Variants in CFB observed in about 807,000 individuals in gnomAD.
CFB encodes the protein complement factor B.
A neutral mutation model predicts 97.2 loss-of-function variants in CFB; 59 were observed. That is an observed-to-expected ratio of 0.61 (90% CI 0.49 to 0.75). The LOEUF (loss-of-function observed/expected upper bound fraction) is 0.75. Ranked by LOEUF, CFB falls within the 30% of genes least tolerant of loss-of-function variation. The pLI is 0.00. For synonymous variants in CFB, 316 were observed against 351.7 expected, an observed-to-expected ratio of 0.90 and a Z score of 1.14; for missense variants, 771 against 959.8, an observed-to-expected ratio of 0.80 and a Z score of 2.60.
rs748150244 is a variant in CFB at position 31,948,868 on chromosome 6, C to T, written c.1075C>T (p.Leu359Phe). ...GTCAGGGACTAACACCAAGAAGGCC[C>T]TCCAGGCAGTGTACAGCATGATGAG... is the stretch of plus-strand genomic sequence containing the variant. ...LKSGTNTKKA[L>F]QAVYSMMSWP... is the part of the protein sequence containing the mutation. The change falls in exon 8 of 18, where the codon CTC (leucine) becomes TTC (phenylalanine). Residue 359 changes from leucine (L) to phenylalanine (F), a missense_variant. Leu to Phe is a conservative substitution (Grantham distance 22, BLOSUM62 0). Transcript: ENST00000425368. 1.2e-6 allele frequency: 2 copies of T among 1,612,988 alleles called. No individual in the cohort carries two copies. Among genetic ancestry groups the T allele is most frequent in the East Asian group, 2.2e-5 (1 of 44,886 alleles).
Position 31,946,278 on chromosome 6 carries a change from G to A in CFB, c.57G>A (p.Leu19=). 1 of 1,613,080 alleles carries A rather than the reference G, an allele frequency of 6.2e-7. No homozygotes were observed. The highest frequency in any genetic ancestry group is 8.5e-7 in the Non-Finnish European group (1 of 1,180,030). Residue 19 remains leucine, a synonymous_variant, in exon 1 of 18, where the codon TTG becomes TTA. Transcript: ENST00000425368. This position sits in a 1 kb window ranked among gnomAD's most constrained non-coding sequence, Gnocchi z 6.4. ...LCLMPFILGL[L]SGGVTTTPWS... is the part of the protein sequence containing the mutation. Reference sequence around the variant, plus strand: ...TGATGCCCTTTATCTTGGGCCTCTTGTCTGGAGGTAAGCGAGGGTAACCTT... The same window carrying A: ...TGATGCCCTTTATCTTGGGCCTCTTATCTGGAGGTAAGCGAGGGTAACCTT...
chr6:31,949,634 GAAGCTCT>G, intron 10 of CFB, 77 bp downstream of exon 10: 1 of 1,571,874 alleles, frequency 6.4e-7, no homozygotes, highest in Non-Finnish European at 8.7e-7. Flanking sequence ...CTCTACACCT[GAAGCTCT>G]AGTTGCCTGG....
In CFB at chr6:31,947,261, G is replaced by A. The variant is rs1412880045; in HGVS notation, c.484+69G>A. 7 of 1,610,708 alleles carry A rather than the reference G, an allele frequency of 4.3e-6. No individual in the cohort carries two copies. In the Admixed American group the frequency reaches 5.0e-5, roughly 12 times the overall value. On this transcript the variant is annotated intron_variant, in intron 3 of 17. Coordinates refer to ENST00000425368, the MANE Select transcript of CFB (RefSeq NM_001710.6). The surrounding 1 kb of genome is among the most constrained non-coding windows in gnomAD (Gnocchi z 5.3). ...CGCCCAGCCCGAGGAGTGGGCACTCGGCTCCGGACACTGTAACTCTTGCTC... is the reference window on the plus strand; with the variant it reads ...CGCCCAGCCCGAGGAGTGGGCACTCAGCTCCGGACACTGTAACTCTTGCTC...
intron 8 of CFB, 88 bp from the exon 9 acceptor site, chr6:31,949,155 C>CA: frequency 6.8e-7 from 1 of 1,470,694 alleles, no homozygotes; most frequent in East Asian, 2.3e-5. Flanking sequence ...AACCCTTCCT[C>CA]AACTTGCTCA....
At position 31,951,137 on chromosome 6, in the gene CFB, C is replaced by A; in HGVS notation, c.1856-7C>A. The A allele has an allele frequency of 6.2e-7, 1 of 1,612,330 alleles. No homozygotes were observed. Among genetic ancestry groups the A allele is most frequent in the South Asian group, 1.1e-5 (1 of 91,038 alleles). On this transcript the variant is annotated splice_polypyrimidine_tract_variant and splice_region_variant and intron_variant, in intron 14 of 17. Transcript: ENST00000425368. This position sits in a 1 kb window ranked among gnomAD's most constrained non-coding sequence, Gnocchi z 4.3. ...AGCAGCTGAAGTGACGCAGTCTATT[C>A]GTCCAGAGGAAGAGCTGCTCCCTGC...
In CFB at chr6:31,950,644, A is replaced by C. The variant is rs1771701626; in HGVS notation, c.1650A>C (p.Ile550=). 6.2e-6 allele frequency: 10 copies of C among 1,613,106 alleles called. No individual in the cohort carries two copies. Among genetic ancestry groups the C allele is most frequent in the Non-Finnish European group, 7.6e-6 (9 of 1,180,026 alleles). ...GAGGGGAGAAGCGGGACCTGGAGAT[A>C]GAAGTAGTCCTATTTCACCCCAACT... is the stretch of plus-strand genomic sequence containing the variant. ...SVGGEKRDLE[I]EVVLFHPNYN... is the part of the protein sequence containing the mutation. The change falls in exon 13 of 18, where the codon ATA becomes ATC. Residue 550 remains isoleucine, a synonymous_variant. Coordinates refer to ENST00000425368, the MANE Select transcript of CFB (RefSeq NM_001710.6).
At position 31,950,946 on chromosome 6, in the gene CFB, T is replaced by A. The variant is rs1771724303; in HGVS notation, c.1855+2T>A. ...CAACTACCACTTGCCAGCAACAAAGTAAGACATACTTGGCAAGAGGATAAG... is the reference window on the plus strand; with the variant it reads ...CAACTACCACTTGCCAGCAACAAAGAAAGACATACTTGGCAAGAGGATAAG... On this transcript the variant is annotated splice_donor_variant, in intron 14 of 17. Transcript: ENST00000425368. LOFTEE classifies it high-confidence loss of function. 6.2e-7 allele frequency: 1 copy of A among 1,612,810 alleles called. No homozygotes were observed. Among genetic ancestry groups the A allele is most frequent in the Non-Finnish European group, 8.5e-7 (1 of 1,179,946 alleles).
chr6:31,951,750 G>A lies in CFB; in HGVS notation c.2140-125G>A. 1 of 1,577,542 alleles carries A rather than the reference G, an allele frequency of 6.3e-7. No individual in the cohort carries two copies. ...CGCATGTCTTGCCTGCGTGTGTCAAGAACGAGGCTGAGCTGGGTCCCTAGT... is the reference window on the plus strand; with the variant it reads ...CGCATGTCTTGCCTGCGTGTGTCAAAAACGAGGCTGAGCTGGGTCCCTAGT... On this transcript the variant is annotated intron_variant, in intron 17 of 17. Coordinates refer to ENST00000425368, the MANE Select transcript of CFB (RefSeq NM_001710.6). This position sits in a 1 kb window ranked among gnomAD's most constrained non-coding sequence, Gnocchi z 4.3.
Position 31,946,391 on chromosome 6 carries a change from G to A in CFB, c.83G>A (p.Trp28Ter). The A allele has an allele frequency of 6.2e-7, 1 of 1,613,044 alleles. No homozygotes were observed. Among genetic ancestry groups the A allele is most frequent in the Non-Finnish European group, 8.5e-7 (1 of 1,180,032 alleles). The change falls in exon 2 of 18, where the codon TGG becomes TAG. Residue 28 changes from tryptophan to a stop codon, truncating the protein, a stop_gained. Coordinates refer to ENST00000425368, the MANE Select transcript of CFB (RefSeq NM_001710.6). LOFTEE classifies it high-confidence loss of function. The surrounding 1 kb of genome is among the most constrained non-coding windows in gnomAD (Gnocchi z 6.4). ...LLSGGVTTTP[W>*]SLARPQGSCS... The stretch of plus-strand genomic sequence containing the variant: ...TCTTCAGGTGTGACCACCACTCCAT[G>A]GTCTTTGGCCCGGCCCCAGGGATCC...
chr6:31,950,869 C>G lies in CFB; in HGVS notation c.1780C>G (p.Pro594Ala). 1 of 1,613,002 alleles carries G rather than the reference C, an allele frequency of 6.2e-7. No individual in the cohort carries two copies. Among genetic ancestry groups the G allele is most frequent in the South Asian group, 1.1e-5 (1 of 91,078 alleles). Residue 594 changes from proline to alanine, a missense_variant and splice_region_variant, in exon 14 of 18, where the codon CCC becomes GCC. Transcript: ENST00000425368. ...NKLKYGQTIR[P>A]ICLPCTEGTT... The stretch of plus-strand genomic sequence containing the variant: ...TGCTGTTCTCCTTGTCCTTTATAGG[C>G]CCATTTGTCTCCCCTGCACCGAGGG...
Position 31,946,205 on chromosome 6 carries a change from T to A in CFB, c.-17T>A. The A allele has an allele frequency of 6.2e-7, 1 of 1,613,038 alleles. No individual in the cohort carries two copies. The highest frequency in any genetic ancestry group is 8.5e-7 in the Non-Finnish European group (1 of 1,179,978). ...CATCCTGCCCCAGGCCCAGCTTCTC[T>A]CCTGCCTTCCAACGCCATGGGGAGC... On this transcript the variant is annotated 5_prime_UTR_variant, in exon 1 of 18. Transcript: ENST00000425368. The surrounding 1 kb of genome is among the most constrained non-coding windows in gnomAD (Gnocchi z 6.4).
At position 31,947,149 on chromosome 6, in the gene CFB, G is replaced by A. The variant is rs1771478557; in HGVS notation, c.441G>A (p.Val147=). The change falls in exon 3 of 18, where the codon GTG becomes GTA. Residue 147 remains valine, a synonymous_variant. Coordinates refer to ENST00000425368, the MANE Select transcript of CFB (RefSeq NM_001710.6). This position sits in a 1 kb window ranked among gnomAD's most constrained non-coding sequence, Gnocchi z 5.3. ...LRGSANRTCQ[V]NGRWSGQTAI... ...GCTCTGCCAATCGCACCTGCCAAGT[G>A]AATGGCCGATGGAGTGGGCAGACAG... is the stretch of plus-strand genomic sequence containing the variant. 3.7e-6 allele frequency: 6 copies of A among 1,612,986 alleles called. No individual in the cohort carries two copies. Among genetic ancestry groups the A allele is most frequent in the Non-Finnish European group, 5.1e-6 (6 of 1,180,034 alleles).
At position 31,951,574 on chromosome 6, in the gene CFB, G is replaced by A; in HGVS notation, c.2109G>A (p.Leu703=). Residue 703 remains leucine (L), a synonymous_variant, in exon 17 of 18, where the codon TTG becomes TTA. Coordinates refer to ENST00000425368, the MANE Select transcript of CFB (RefSeq NM_001710.6). This position sits in a 1 kb window ranked among gnomAD's most constrained non-coding sequence, Gnocchi z 4.3. The part of the protein sequence containing the change: ...NTCRGDSGGP[L]IVHKRSRFIQ... ...TTGCAGGTGATTCTGGCGGCCCCTT[G>A]ATAGTTCACAAGAGAAGTCGTTTCA... is the stretch of plus-strand genomic sequence containing the variant. 1 of 1,614,170 alleles carries A rather than the reference G, an allele frequency of 6.2e-7. No individual in the cohort carries two copies. The highest frequency in any genetic ancestry group is 8.5e-7 in the Non-Finnish European group (1 of 1,180,038).
At chr6:31,948,553 A>T in intron 7 of CFB, 41 bp downstream of exon 7, 2 of 1,613,088 alleles carry the variant, frequency 1.2e-6, no homozygotes, top group Non-Finnish European at 1.7e-6. Context: ...CTTTGGGGTC[A>T]GGAGGTTCAG....
Position 31,951,741 on chromosome 6 carries a change from G to A in CFB, c.2140-134G>A, listed in dbSNP as rs756735255. ...CCTTAGGACCGCATGTCTTGCCTGC[G>A]TGTGTCAAGAACGAGGCTGAGCTGG... is the stretch of plus-strand genomic sequence containing the variant. On this transcript the variant is annotated intron_variant, in intron 17 of 17. Coordinates refer to ENST00000425368, the MANE Select transcript of CFB (RefSeq NM_001710.6). This position sits in a 1 kb window ranked among gnomAD's most constrained non-coding sequence, Gnocchi z 4.3. 23 of 1,560,420 alleles carry A rather than the reference G, an allele frequency of 1.5e-5. No individual in the cohort carries two copies. The highest frequency in any genetic ancestry group is 2.2e-5 in the East Asian group (1 of 44,628).
In CFB at chr6:31,952,012, G is replaced by C; in HGVS notation, c.2277G>C (p.Glu759Asp). ...GGCTGAAGGAGAAACTCCAAGATGAGGATTTGGGTTTTCTATAAGGGGTTT... is the reference window on the plus strand; with the variant it reads ...GGCTGAAGGAGAAACTCCAAGATGACGATTTGGGTTTTCTATAAGGGGTTT... ...LPWLKEKLQD[E>D]DLGFL is the part of the protein sequence containing the mutation. The change falls in exon 18 of 18, where the codon GAG (glutamate) becomes GAC (aspartate). Residue 759 changes from glutamate to aspartate, a missense_variant. Physicochemically the swap from Glu to Asp is conservative, Grantham distance 45. Coordinates refer to ENST00000425368, the MANE Select transcript of CFB (RefSeq NM_001710.6). 6.2e-7 allele frequency: 1 copy of C among 1,612,982 alleles called. No individual in the cohort carries two copies. The highest frequency in any genetic ancestry group is 8.5e-7 in the Non-Finnish European group (1 of 1,180,038).
rs376966975 is a variant in CFB at position 31,951,288 on chromosome 6, T to C, written c.1956+44T>C. ...AAGGAGGCACTCTAGGCCCCAATCC[T>C]TCCTAAGCCACTTCTGTTCATTACT... On this transcript the variant is annotated intron_variant, in intron 15 of 17. Transcript: ENST00000425368. The surrounding 1 kb of genome is among the most constrained non-coding windows in gnomAD (Gnocchi z 4.3). 17 of 1,613,600 alleles carry C rather than the reference T, an allele frequency of 1.1e-5. No individual in the cohort carries two copies. Among genetic ancestry groups the C allele is most frequent in the Non-Finnish European group, 1.4e-5 (17 of 1,180,028 alleles).
At chr6:31,950,827 G>A (rs1771717292) in intron 13 of CFB, 41 bp from the exon 14 acceptor site, 3 of 1,612,902 alleles carry the variant, frequency 1.9e-6, no homozygotes, top group Non-Finnish European at 2.5e-6. Context: ...GGACTGGGGT[G>A]AGGAGCAGGC....
chr6:31,948,251 T>C, intron 6 of CFB, 123 bp from the exon 7 acceptor site: 1 of 1,515,176 alleles, frequency 6.6e-7, no homozygotes, highest in East Asian at 2.3e-5. Flanking sequence ...TGGTAATTCC[T>C]CCATGAACCT....
Sources: gnomAD v4.1 joint callset for allele counts on GRCh38, gnomAD v4.1.1 for gene constraint, Gnocchi (gnomAD v3.1) non-coding constraint, MANE v1.5 for transcripts, NCBI Gene and HGNC (gene_info 2026-07-23, HGNC 2026-07-21) for gene names.